The following SCAMP5 variants were observed in gnomAD, a reference collection of about 807,000 sequenced individuals.
The protein encoded by SCAMP5 is secretory carrier-associated membrane protein 5.
A neutral mutation model predicts 28.3 loss-of-function variants in SCAMP5; 7 were observed. The ratio of observed to expected loss-of-function variants is 0.25; its 90% CI spans 0.14 to 0.46. The LOEUF (loss-of-function observed/expected upper bound fraction) is 0.46, where lower values mean the gene tolerates loss of function less well. SCAMP5 is among the 20% of genes least tolerant of loss of function. The pLI, the probability that SCAMP5 is intolerant of heterozygous loss-of-function variation, is 0.99. For missense variants in SCAMP5, 192 were observed against 312.5 expected, an observed-to-expected ratio of 0.61 and a Z score of 2.91; for synonymous variants, 117 against 116.4, an observed-to-expected ratio of 1.00 and a Z score of -0.03.
chr15:74,997,440 C>T (rs529529558), intron 1 of SCAMP5: 3 of 152,306 alleles, frequency 2.0e-5, no homozygotes, highest in African/African-American at 7.2e-5. Context: ...GTGCTGGGTC[C>T]CTCCTGGAAA....
intron 2 of SCAMP5, among the ~76,000 whole-genome samples, 179 bp downstream of exon 2, chr15:75,012,025 G>A (rs2065816190): frequency 6.6e-6 from 1 of 152,158 alleles, no homozygotes; most frequent in Non-Finnish European, 1.5e-5. Context: ...ACATGACATT[G>A]TCTAGCCCTC....
chr15:74,999,175 C>T (rs2065679491), intron 1 of SCAMP5, among the ~76,000 whole-genome samples: 1 of 152,200 alleles, frequency 6.6e-6, no homozygotes, highest in Non-Finnish European at 1.5e-5. Context: ...TCTCTGACCA[C>T]AGTCTAACTA....
At chr15:75,005,237 C>G (rs2065745344) in intron 1 of SCAMP5, among the ~76,000 whole-genome samples, 1 of 151,422 alleles carries the variant, frequency 6.6e-6, no homozygotes, top group African/African-American at 2.4e-5. Flanking sequence ...CCAATGCAGG[C>G]AGATCACCTG....
At chr15:75,010,463 C>G (rs2141443646) in intron 1 of SCAMP5, among the ~76,000 whole-genome samples, 1 of 152,306 alleles carries the variant, frequency 6.6e-6, no homozygotes, top group East Asian at 1.9e-4. Flanking sequence ...TCCTGCCCAC[C>G]TTGCCTTTCC....
intron 1 of SCAMP5, among the ~76,000 whole-genome samples, chr15:74,999,894 C>A (rs1040197468): frequency 6.6e-6 from 1 of 152,080 alleles, no homozygotes; most frequent in East Asian, 1.9e-4. Context: ...ACCCAGTCGA[C>A]CAGTCATTAA....
intron 1 of SCAMP5, among the ~76,000 whole-genome samples, chr15:75,009,372 GA>G (rs2065789672): frequency 6.6e-6 from 1 of 151,870 alleles, no homozygotes; most frequent in Non-Finnish European, 1.5e-5. Flanking sequence ...TATCACAAAA[GA>G]GTCCGAAGAT....
Position 75,016,601 on chromosome 15 carries a change from G to A in SCAMP5, c.145G>A (p.Val49Ile), listed in dbSNP as rs369729943. The change falls in exon 4 of 7, where the codon GTC becomes ATC. Residue 49 changes from valine to isoleucine, a missense_variant. By Grantham distance (29) the Val-to-Ile change is conservative. Transcript: ENST00000425597. ...TGCTCCTGGGCCTGCAGTGAACAGC[G>A]TCACGCTGGCCGTGAACCTGGTGGG... ...RLYYLWMLNS[V>I]TLAVNLVGCL... The A allele has an allele frequency of 1.3e-5, 21 of 1,612,678 alleles. No individual in the cohort carries two copies. Among genetic ancestry groups the A allele is most frequent in the East Asian group, 2.2e-5 (1 of 44,886 alleles).
chr15:75,002,270 C>T (rs2065716797), intron 1 of SCAMP5, among the ~76,000 whole-genome samples: 1 of 151,774 alleles, frequency 6.6e-6, no homozygotes. Context: ...AAGGCTTGTC[C>T]ACCTCCTTGC....
chr15:75,017,443 G>A (rs2065868664), intron 4 of SCAMP5, among the ~76,000 whole-genome samples: 1 of 152,064 alleles, frequency 6.6e-6, no homozygotes, highest in Admixed American at 6.6e-5. Context: ...CTACTGTTTT[G>A]GTGCCAATAG....
At chr15:75,017,718 T>A in intron 4 of SCAMP5, 152 bp from the exon 5 acceptor site, 1 of 656,316 alleles carries the variant, frequency 1.5e-6, no homozygotes. Context: ...CAAAGATGTA[T>A]GGGTAGAACT....
At chr15:75,014,423 G>C (rs2065841605) in intron 3 of SCAMP5, among the ~76,000 whole-genome samples, 1 of 152,110 alleles carries the variant, frequency 6.6e-6, no homozygotes, top group Non-Finnish European at 1.5e-5. Flanking sequence ...GTGGAGAGTG[G>C]GCTCACAACG....
rs974584623 is a variant in SCAMP5, at chr15:75,020,260, G to C, written c.*1277G>C. The C allele has an allele frequency of 6.5e-6, 1 of 152,978 alleles. No individual in the cohort carries two copies. Among genetic ancestry groups the C allele is most frequent in the South Asian group, 2.1e-4 (1 of 4,834 alleles). The allele number at this position is 152,978 out of a possible 1,614,324, so 9.5% of individuals were successfully genotyped here. A position where few individuals can be genotyped will look rare whatever the true frequency, so the allele number is the denominator to read the frequency against. The stretch of plus-strand genomic sequence containing the variant: ...GGACAGGGCTCAGAGGGCTAGGCAC[G>C]GAGGGAAGGTCAGAGGAGAAGGCAG... On this transcript the variant is annotated 3_prime_UTR_variant, in exon 7 of 7. Transcript: ENST00000425597.
At chr15:74,997,005 T>C (rs1227391882) in intron 1 of SCAMP5, among the ~76,000 whole-genome samples, 1 of 152,078 alleles carries the variant, frequency 6.6e-6, no homozygotes, top group East Asian at 1.9e-4. Context: ...TTTAACCGTT[T>C]CCTGAGTGGC....
chr15:75,008,143 AT>A (rs2065778195), intron 1 of SCAMP5, among the ~76,000 whole-genome samples: 1 of 150,532 alleles, frequency 6.6e-6, no homozygotes, highest in Admixed American at 6.6e-5. Context: ...AGTTAGCTTG[AT>A]TTGTTTTTGT....
chr15:75,009,441 T>TTGTGTGTGTGTGTGTGTGTGTGTG (rs3057655), intron 1 of SCAMP5, among the ~76,000 whole-genome samples: 1 of 136,064 alleles, frequency 7.3e-6, no homozygotes, highest in Admixed American at 7.5e-5. Flanking sequence ...TGCTAGAAGT[T>TTGTGTGTGTGTGTGTGTGTGTGTG]TGTGTGTGTG....
chr15:75,018,265 C>G lies in SCAMP5; in HGVS notation c.396-153C>G, dbSNP rs183934000. ...ACAGGGATGGGGTCTTCTTGAGCCA[C>G]TGGCACAGGTTCTTTGGGTATCAGT... On this transcript the variant is annotated intron_variant, in intron 5 of 6. Transcript: ENST00000425597. The surrounding 1 kb of genome is among the most constrained non-coding windows in gnomAD (Gnocchi z 5.6). The G allele has an allele frequency of 3.5e-4, 237 of 668,050 alleles. 2 individuals carry two copies. In the East Asian group the frequency reaches 6.0e-3, roughly 17 times the overall value. 41.4% of individuals were successfully genotyped at this position (668,050 alleles called of 1,614,324 possible).
In SCAMP5 at chr15:75,020,695, T is replaced by G. The variant is rs1184115268; in HGVS notation, c.*1712T>G. ...TCTCGCCCAAAGAGCATCTGCCCAT[T>G]TCCCACCTTCCCTTCTCCCACCAGA... On this transcript the variant is annotated 3_prime_UTR_variant, in exon 7 of 7. Transcript: ENST00000425597. 1 of 152,186 alleles carries G rather than the reference T, an allele frequency of 6.6e-6. No individual in the cohort carries two copies. Among genetic ancestry groups the G allele is most frequent in the Admixed American group, 6.5e-5 (1 of 15,274 alleles). 9.4% of individuals were successfully genotyped at this position (152,186 alleles called of 1,614,324 possible).
chr15:75,011,085 G>T (rs565361306), intron 1 of SCAMP5, among the ~76,000 whole-genome samples: 18 of 152,044 alleles, frequency 1.2e-4, no homozygotes, highest in Non-Finnish European at 2.6e-4. Flanking sequence ...CATGCCTGTA[G>T]TTCCAGCTAC....
chr15:75,013,966 G>C (rs1283812844), intron 3 of SCAMP5, among the ~76,000 whole-genome samples: 1 of 151,950 alleles, frequency 6.6e-6, no homozygotes, highest in Admixed American at 6.6e-5. Flanking sequence ...CTTCTTGGGG[G>C]GATGGGACTT....
Sources: gnomAD v4.1 joint callset for allele counts (sites outside exome capture counted in the v4.1 genomes callset) on GRCh38, gnomAD v4.1.1 for gene constraint, Gnocchi (gnomAD v3.1) non-coding constraint, MANE v1.5 for transcripts, NCBI Gene and HGNC (gene_info 2026-07-23, HGNC 2026-07-21) for gene names.